The following MED16 variants were observed in gnomAD, a reference collection of about 807,000 sequenced individuals.
MED16 encodes the protein mediator complex subunit 16.
In MED16, 81 loss-of-function variants were observed where a neutral mutation model predicts 84.4. That is an observed-to-expected ratio of 0.96 (90% confidence interval 0.80 to 1.15). The LOEUF is 1.15. Among genes scored for constraint, MED16 ranks in the 50% most tolerant of loss-of-function variants. The pLI, the probability that MED16 is intolerant of heterozygous loss-of-function variation, is 0.00. For missense variants in MED16, 1,585 were observed against 1,245.9 expected, an observed-to-expected ratio of 1.27 and a Z score of -4.10; for synonymous variants, 897 against 552.2, an observed-to-expected ratio of 1.62 and a Z score of -8.76.
intron 4 of MED16, among the ~76,000 whole-genome samples, chr19:889,298 G>A (rs930946657): frequency 6.6e-6 from 1 of 152,176 alleles, no homozygotes; most frequent in Non-Finnish European, 1.5e-5. Context: ...TCAGAAGACA[G>A]CAGCCACCAG....
intron 11 of MED16, among the ~76,000 whole-genome samples, 143 bp downstream of exon 11, chr19:873,288 CAGGGGCGGGACTCCAAGT>C (rs1266577010): frequency 0.024 from 1,992 of 83,790 alleles, 81 homozygotes; most frequent in African/African-American, 0.065. Context: ...GGACTCCAAG[CAGGGGCGGGACTCCAAGT>C]AGGGGCGGGA....
chr19:873,667 ACT>A, intron 10 of MED16, 85 bp from the exon 11 acceptor site: 1 of 1,497,878 alleles, frequency 6.7e-7, no homozygotes, highest in East Asian at 2.3e-5. Flanking sequence ...TTCGACCTGC[ACT>A]GAGTGCCCAC....
chr19:891,163 G>C lies in MED16; in HGVS notation c.-18-14C>G, dbSNP rs755376766. 6.9e-6 allele frequency: 11 copies of C among 1,597,068 alleles called. No homozygotes were observed. The highest frequency in any genetic ancestry group is 5.1e-6 in the Non-Finnish European group (6 of 1,170,638). ...AGTCACCAGCTCCTGCGGGAGGGAG[G>C]TGTGGTGGGACGTCTATGTTGGCTG... On this transcript the variant is annotated splice_polypyrimidine_tract_variant and intron_variant, in intron 1 of 15. Transcript: ENST00000325464.
intron 7 of MED16, 88 bp downstream of exon 7, chr19:881,471 G>C: frequency 2.7e-6 from 4 of 1,459,938 alleles, no homozygotes; most frequent in East Asian, 2.3e-5. Context: ...TCTGGTGTGA[G>C]CTCCCACGAC....
At position 879,988 on chromosome 19, in the gene MED16, C is replaced by T. The variant is rs968099254; in HGVS notation, c.1302G>A (p.Met434Ile). The change falls in exon 8 of 16, where the codon ATG becomes ATA. Residue 434 changes from methionine to isoleucine, a missense_variant. Transcript: ENST00000325464. The part of the protein sequence containing the change: ...TAGPAVHLKA[M>I]QLSWTSLALV... ...GGGCCAGTGACGTCCACGATAGCTG[C>T]ATAGCCTTTAAGTGGACGGCGGGGC... 8.1e-6 allele frequency: 13 copies of T among 1,609,670 alleles called. No individual in the cohort carries two copies. Among genetic ancestry groups the T allele is most frequent in the Non-Finnish European group, 1.0e-5 (12 of 1,178,532 alleles).
In MED16 at chr19:873,552, G is replaced by C; in HGVS notation, c.1802C>G (p.Thr601Arg). ...GTTCATGTCCAGCACAAATTCCTCC[G>C]TCTTGAGGTTGATCATGACCTTGTC... Reference protein sequence around the residue: ...DIDKVMINLKTEEFVLDMNTL... With the variant: ...DIDKVMINLKREEFVLDMNTL... The change falls in exon 11 of 16, where the codon ACG becomes AGG. Residue 601 changes from threonine to arginine, a missense_variant. Transcript: ENST00000325464. 4 of 1,612,404 alleles carry C rather than the reference G, an allele frequency of 2.5e-6. No homozygotes were observed. The highest frequency in any genetic ancestry group is 2.5e-6 in the Non-Finnish European group (3 of 1,179,714).
intron 6 of MED16, among the ~76,000 whole-genome samples, chr19:883,263 G>A (rs940944014): frequency 2.6e-5 from 4 of 151,530 alleles, no homozygotes; most frequent in Non-Finnish European, 2.9e-5. Context: ...GGCGGTGCGT[G>A]AAGAGCTGGG....
intron 9 of MED16, 43 bp downstream of exon 9, chr19:876,931 G>A (rs1444504188): frequency 6.4e-7 from 1 of 1,557,438 alleles, no homozygotes; most frequent in South Asian, 1.1e-5. Flanking sequence ...CCTGCCACAG[G>A]GCCCCCACCT....
intron 5 of MED16, among the ~76,000 whole-genome samples, chr19:885,434 C>T (rs1376581642): frequency 1.3e-5 from 2 of 152,072 alleles, no homozygotes; most frequent in Non-Finnish European, 2.9e-5. Flanking sequence ...GTTCGGGACA[C>T]TGAGACGGGA....
In MED16 at chr19:867,971, G is replaced by A. The variant is rs2035952970; in HGVS notation, c.*130C>T. On this transcript the variant is annotated 3_prime_UTR_variant, in exon 16 of 16. Coordinates refer to ENST00000325464, the MANE Select transcript of MED16 (RefSeq NM_005481.3). ...CGGCAGGGACGCGGGCCTGGGCGCAGAGGGCGTTTATTGGACCTGTCCTTC... is the reference window on the plus strand; with the variant it reads ...CGGCAGGGACGCGGGCCTGGGCGCAAAGGGCGTTTATTGGACCTGTCCTTC... 12 of 1,262,760 alleles carry A rather than the reference G, an allele frequency of 9.5e-6. No homozygotes were observed. Among genetic ancestry groups the A allele is most frequent in the African/African-American group, 1.5e-5 (1 of 66,506 alleles). The allele number at this position is 1,262,760 out of a possible 1,614,324, so 78.2% of individuals were successfully genotyped here.
intron 14 of MED16, 34 bp downstream of exon 14, chr19:868,829 T>C (rs1181332087): frequency 1.3e-6 from 2 of 1,536,798 alleles, no homozygotes; most frequent in Middle Eastern, 1.7e-4. Flanking sequence ...CAGCGGCACA[T>C]CTCTGGGAGT....
chr19:869,080 G>A, intron 13 of MED16, 134 bp from the exon 14 acceptor site: 1 of 766,496 alleles, frequency 1.3e-6, no homozygotes, highest in Non-Finnish European at 2.0e-6. Flanking sequence ...CCAGATGTCT[G>A]TGAACAGTGA....
intron 6 of MED16, among the ~76,000 whole-genome samples, chr19:883,181 A>AGTGGGGATGTGGGGCAGTGG (rs1555717561): frequency 6.6e-6 from 1 of 152,082 alleles, no homozygotes; most frequent in Admixed American, 6.5e-5. Flanking sequence ...TAAGCTGCTA[A>AGTGGGGATGTGGGGCAGTGG]GTGGGGATGT....
chr19:886,974 G>C (rs1036487537), intron 4 of MED16, among the ~76,000 whole-genome samples: 1 of 151,940 alleles, frequency 6.6e-6, no homozygotes, highest in Non-Finnish European at 1.5e-5. Flanking sequence ...AGCTACTCAG[G>C]AGGCTGAGGC....
In MED16 at chr19:890,407, G is replaced by A. The variant is rs75080491; in HGVS notation, c.170-163C>T. On this transcript the variant is annotated intron_variant, in intron 2 of 15. Transcript: ENST00000325464. The stretch of plus-strand genomic sequence containing the variant: ...AGCTCAGGGAACAGGCTGTCCCCCC[G>A]CAGGAACAGAGCAGGCCTGTGAGGC... 649 of 559,090 alleles carry A rather than the reference G, an allele frequency of 1.2e-3. 8 individuals carry two copies. The East Asian group carries it at 0.018, about 15-fold the overall frequency. 34.6% of individuals were successfully genotyped at this position (559,090 alleles called of 1,614,324 possible). A position where few individuals can be genotyped will look rare whatever the true frequency, so the allele number is the denominator to read the frequency against.
intron 14 of MED16, 75 bp downstream of exon 14, chr19:868,788 G>A: frequency 1.4e-6 from 2 of 1,452,848 alleles, no homozygotes; most frequent in Admixed American, 2.1e-5. Flanking sequence ...CTGGAGCGCT[G>A]GGTGGGGGCT....
chr19:884,704 T>C (rs1285308332), intron 6 of MED16, among the ~76,000 whole-genome samples, 199 bp downstream of exon 6: 1 of 152,134 alleles, frequency 6.6e-6, no homozygotes, highest in Non-Finnish European at 1.5e-5. Context: ...GAGGAGTCTA[T>C]ACGCCTAACA....
intron 6 of MED16, among the ~76,000 whole-genome samples, chr19:883,955 G>T (rs1355003401): frequency 6.6e-6 from 1 of 152,148 alleles, no homozygotes; most frequent in African/African-American, 2.4e-5. Context: ...AGCCCTGGGG[G>T]AAGGAATGGC....
chr19:876,069 TG>T (rs1244339448), intron 9 of MED16, among the ~76,000 whole-genome samples: 1 of 152,136 alleles, frequency 6.6e-6, no homozygotes, highest in African/African-American at 2.4e-5. Context: ...CCAGCCACGC[TG>T]GGGTTTAGCC....
Sources: allele counts gnomAD v4.1 joint callset (sites outside exome capture counted in the v4.1 genomes callset), GRCh38; gene constraint gnomAD v4.1.1; transcripts MANE v1.5; gene names NCBI Gene and HGNC (gene_info 2026-07-23, HGNC 2026-07-21).